Variants in RAMACL observed in about 807,000 individuals in gnomAD.
The protein encoded by RAMACL is RNA guanine-N7 methyltransferase-activating subunit-like protein.
Under a neutral mutation model 13.4 loss-of-function variants are expected in RAMACL, and 9 were observed. The observed-to-expected ratio is 0.67, with a 90% CI of 0.41 to 1.17. The LOEUF is 1.17. Among genes scored for constraint, RAMACL ranks in the 50% most tolerant of loss-of-function variants. The probability of loss-of-function intolerance (pLI) is 0.01; values close to 1 mark genes in which losing one functional copy is unlikely to be tolerated. For synonymous variants in RAMACL, 39 were observed against 49.3 expected (o/e 0.79, Z 0.88); for missense variants, 124 against 141.6 (o/e 0.88, Z 0.63).
chr6:166,585,976 T>G lies in RAMACL; in HGVS notation c.*145A>C, dbSNP rs1785156792. 1.3e-5 allele frequency: 6 copies of G among 452,882 alleles called. No individual in the cohort carries two copies. The East Asian group carries it at 1.9e-4, about 15-fold the overall frequency. The allele number at this position is 452,882 out of a possible 1,614,324, so 28.1% of individuals were successfully genotyped here. On this transcript the variant is annotated 3_prime_UTR_variant, in exon 1 of 1. Transcript: ENST00000444122. ...CAACCATCGCATTTCGCAAGTAAGATCTATTTTTTTTAAAGTCTCAACTTC... is the reference window on the plus strand; with the variant it reads ...CAACCATCGCATTTCGCAAGTAAGAGCTATTTTTTTTAAAGTCTCAACTTC...
At chr6:166,585,426 T>C (rs1785136907), downstream of RAMACL, among the ~76,000 whole-genome samples, 2 of 151,804 alleles carry the variant, frequency 1.3e-5, no homozygotes, top group Admixed American at 6.6e-5. Context: ...CATTTACTTA[T>C]AATTGTGTGC....
chr6:166,585,277 T>G (rs1785133164), downstream of RAMACL, among the ~76,000 whole-genome samples: 1 of 152,224 alleles, frequency 6.6e-6, no homozygotes, highest in African/African-American at 2.4e-5. Context: ...GTCTCACATC[T>G]TCAGCAACTT....
At position 166,586,203 on chromosome 6, in the gene RAMACL, G is replaced by A. The variant is rs1388235466; in HGVS notation, c.275C>T (p.Pro92Leu). The A allele has an allele frequency of 7.9e-5, 125 of 1,586,816 alleles. 1 individual carries two copies. Among genetic ancestry groups the A allele is most frequent in the East Asian group, 2.9e-4 (13 of 44,738 alleles). The change falls in exon 1 of 1, where the codon CCG (proline) becomes CTG (leucine). Residue 92 changes from proline (P) to leucine (L), a missense_variant. Coordinates refer to ENST00000444122, the Ensembl canonical transcript of RAMACL. ...ATAGTAAGGTTCTTGTCTGTGTTGC[G>A]GGTAGTTGTTACCCCAGGATCGTCC...
downstream of RAMACL, among the ~76,000 whole-genome samples, chr6:166,583,462 G>A (rs1785079075): frequency 6.6e-6 from 1 of 152,242 alleles, no homozygotes; most frequent in African/African-American, 2.4e-5. Flanking sequence ...GAAGCAGCTG[G>A]TGGTGGAGAG....
chr6:166,584,606 G>A (rs1180231877), downstream of RAMACL, among the ~76,000 whole-genome samples: 1 of 152,188 alleles, frequency 6.6e-6, no homozygotes, highest in Non-Finnish European at 1.5e-5. Context: ...ATACTCAGCA[G>A]CTCTCCAGAT....
exon 1 of RAMACL, among the ~76,000 whole-genome samples, chr6:166,586,670 C>T (rs1785185916): frequency 8.0e-6 from 1 of 124,562 alleles, no homozygotes; most frequent in South Asian, 2.1e-4. Flanking sequence ...AACCGAGCGC[C>T]TTCCTCTCCA....
At chr6:166,585,417 A>C (rs1383878638), downstream of RAMACL, among the ~76,000 whole-genome samples, 1 of 150,830 alleles carries the variant, frequency 6.6e-6, no homozygotes, top group African/African-American at 2.4e-5. Flanking sequence ...TAATTTTCAC[A>C]TTTACTTATA....
chr6:166,583,671 G>T (rs7743191), downstream of RAMACL, among the ~76,000 whole-genome samples: 1 of 152,090 alleles, frequency 6.6e-6, no homozygotes. Flanking sequence ...TTATTAAAGC[G>T]CCAATGGCCA....
downstream of RAMACL, among the ~76,000 whole-genome samples, chr6:166,583,608 C>G (rs891197634): frequency 6.6e-6 from 1 of 152,188 alleles, no homozygotes; most frequent in Non-Finnish European, 1.5e-5. Context: ...AATGTCTTCA[C>G]GTGACAGTTT....
In RAMACL at chr6:166,586,229, A is replaced by G. The variant is rs557865770; in HGVS notation, c.249T>C (p.His83=). The G allele has an allele frequency of 4.4e-6, 7 of 1,593,380 alleles. No individual in the cohort carries two copies. In the South Asian group the frequency reaches 7.7e-5, roughly 18 times the overall value. Reference sequence around the variant, plus strand: ...GGTAGTTGTTACCCCAGGATCGTCCATGCCACTGATTGGATCGATTGTCAC... The same window carrying G: ...GGTAGTTGTTACCCCAGGATCGTCCGTGCCACTGATTGGATCGATTGTCAC... Residue 83 remains histidine (H), a synonymous_variant, in exon 1 of 1, where the codon CAT becomes CAC. Transcript: ENST00000444122.
downstream of RAMACL, among the ~76,000 whole-genome samples, chr6:166,585,261 C>A (rs1217317997): frequency 1.3e-5 from 2 of 152,228 alleles, no homozygotes; most frequent in Non-Finnish European, 2.9e-5. Context: ...CTGGGATGGA[C>A]TTTCAGTCTC....
At chr6:166,586,430 A>G in exon 1 of RAMACL, 1 of 1,599,976 alleles carries the variant, frequency 6.3e-7, no homozygotes, top group South Asian at 1.1e-5. Context: ...TGAATCTACT[A>G]GCAAACATCT....
downstream of RAMACL, among the ~76,000 whole-genome samples, chr6:166,584,098 A>C (rs1426571509): frequency 6.6e-6 from 1 of 152,236 alleles, no homozygotes; most frequent in Non-Finnish European, 1.5e-5. Context: ...ATAACAAAGT[A>C]CTATGGATTG....
chr6:166,584,818 A>G (rs1785118461), downstream of RAMACL, among the ~76,000 whole-genome samples: 1 of 152,262 alleles, frequency 6.6e-6, no homozygotes, highest in African/African-American at 2.4e-5. Flanking sequence ...TGGAGAGACC[A>G]TGATTGATCT....
At chr6:166,584,569 A>G (rs1253240327), downstream of RAMACL, among the ~76,000 whole-genome samples, 1 of 152,254 alleles carries the variant, frequency 6.6e-6, no homozygotes, top group Non-Finnish European at 1.5e-5. Context: ...ACAATTAATA[A>G]ATGAAAAATG....
downstream of RAMACL, among the ~76,000 whole-genome samples, chr6:166,584,527 T>C (rs574924716): frequency 1.3e-5 from 2 of 152,338 alleles, no homozygotes; most frequent in African/African-American, 2.4e-5. Flanking sequence ...ACACTTTTTA[T>C]AGCTCTATTA....
At chr6:166,583,274 T>G (rs1785074943), downstream of RAMACL, among the ~76,000 whole-genome samples, 1 of 152,210 alleles carries the variant, frequency 6.6e-6, no homozygotes, top group South Asian at 2.1e-4. Flanking sequence ...CAGCTCACCC[T>G]AGGGTCTAGC....
At chr6:166,586,494 G>T in exon 1 of RAMACL, 5 of 1,591,574 alleles carry the variant, frequency 3.1e-6, no homozygotes, top group Non-Finnish European at 4.3e-6. Context: ...AATCCCAAAG[G>T]TTTGAGGCAG....
exon 1 of RAMACL, chr6:166,586,126 A>G (rs1785160818): frequency 1.4e-6 from 2 of 1,466,088 alleles, no homozygotes; most frequent in South Asian, 1.2e-5. Flanking sequence ...TTCTATCAGT[A>G]GTAACCGTAA....
Sources: gnomAD v4.1 joint callset for allele counts (sites outside exome capture counted in the v4.1 genomes callset) on GRCh38, gnomAD v4.1.1 for gene constraint, MANE v1.5 for transcripts, NCBI Gene and HGNC (gene_info 2026-07-23, HGNC 2026-07-21) for gene names.